MSN: variants seen among roughly 807,000 people sequenced by gnomAD.
MSN encodes moesin.
In MSN, 2 loss-of-function variants were observed where a neutral mutation model predicts 48.0. That is an observed-to-expected ratio of 0.04 (90% CI 0.02 to 0.13). MSN has a LOEUF of 0.13. Among genes scored for constraint, MSN ranks in the 10% least tolerant of loss-of-function variants. The pLI is 1.00. For missense variants in MSN, 267 were observed against 470.1 expected (o/e 0.57, Z 3.99); for synonymous variants, 146 against 166.9 (o/e 0.87, Z 0.97).
At position 65,594,445 on chromosome X, in the gene MSN, G is replaced by T. The variant is rs11796885; in HGVS notation, c.-22+5833G>T. ...GTGGTGGGATGAAGTGGTGGGGGTG[G>T]GACTAGGATGTAATGGAAAGCCTTG... On this transcript the variant is annotated intron_variant, in intron 1 of 3. Coordinates refer to the MSN transcript ENST00000609672. Among the ~76,000 whole-genome samples the T allele has an allele frequency of 9.1e-3, 1,015 of 111,055 alleles. 36 individuals carry two copies. Among genetic ancestry groups the T allele is most frequent in the Admixed American group, 0.073 (766 of 10,425 alleles).
intron 1 of MSN, among the ~76,000 whole-genome samples, chrX:65,609,738 C>T (rs185290706): frequency 0.01 from 1,130 of 111,375 alleles, 14 homozygotes; most frequent in African/African-American, 0.035. Context: ...AAAAAATTAG[C>T]CGGGCGTGGT....
chrX:65,735,693 A>G (rs2071669619), intron 8 of MSN, among the ~76,000 whole-genome samples: 1 of 112,630 alleles, frequency 8.9e-6, no homozygotes, highest in East Asian at 2.8e-4. Context: ...ATATATACAT[A>G]ACTCAAGGTA....
intron 1 of MSN, among the ~76,000 whole-genome samples, chrX:65,694,941 T>C (rs887835464): frequency 8.9e-6 from 1 of 112,067 alleles, no homozygotes; most frequent in Non-Finnish European, 1.9e-5. Context: ...AGAGGAATCC[T>C]TACTTAAGAA....
At chrX:65,698,567 C>G (rs762571516) in intron 1 of MSN, among the ~76,000 whole-genome samples, 10 of 112,310 alleles carry the variant, frequency 8.9e-5, no homozygotes, top group South Asian at 3.7e-4. Context: ...CTTCTCTTCT[C>G]CCTGCCCCCC....
At chrX:65,656,818 T>C (rs2070785099) in intron 1 of MSN, among the ~76,000 whole-genome samples, 2 of 110,554 alleles carry the variant, frequency 1.8e-5, no homozygotes, top group Admixed American at 1.9e-4. Context: ...ACGGTGCTGC[T>C]GCGTGCAGTG....
At chrX:65,613,068 C>G (rs1311437941) in intron 1 of MSN, among the ~76,000 whole-genome samples, 3 of 110,873 alleles carry the variant, frequency 2.7e-5, no homozygotes, top group Non-Finnish European at 5.7e-5. Flanking sequence ...GTGTGATGTT[C>G]CCTGTGTCCA....
At chrX:65,610,162 C>T (rs1187571440) in intron 1 of MSN, among the ~76,000 whole-genome samples, 1 of 111,693 alleles carries the variant, frequency 9.0e-6, no homozygotes, top group Non-Finnish European at 1.9e-5. Flanking sequence ...GCTTTAATTA[C>T]ATTCACAGTG....
At chrX:65,652,222 A>T (rs2070747841) in intron 1 of MSN, among the ~76,000 whole-genome samples, 2 of 110,997 alleles carry the variant, frequency 1.8e-5, no homozygotes, top group Non-Finnish European at 3.8e-5. Flanking sequence ...AGGCTGGTGC[A>T]CTTGCAGTTC....
At chrX:65,668,156 C>T (rs2070893252) in intron 1 of MSN, among the ~76,000 whole-genome samples, 1 of 112,768 alleles carries the variant, frequency 8.9e-6, no homozygotes, top group Non-Finnish European at 1.9e-5. Flanking sequence ...TTCCCCTTTT[C>T]CCTGATGGGC....
At chrX:65,619,103 G>A (rs1358578436) in intron 1 of MSN, among the ~76,000 whole-genome samples, 1 of 100,143 alleles carries the variant, frequency 1.0e-5, no homozygotes, top group Non-Finnish European at 2.0e-5. Flanking sequence ...GCTTCCCTTT[G>A]AGGGTAACCC....
intron 8 of MSN, among the ~76,000 whole-genome samples, chrX:65,735,886 G>A (rs979813192): frequency 8.9e-5 from 10 of 111,984 alleles, no homozygotes; most frequent in Admixed American, 8.5e-4. Flanking sequence ...CATAGAAGAG[G>A]GATGGGGAGA....
In MSN at chrX:65,609,229, G is replaced by A. The variant is rs751844403; in HGVS notation, c.-22+20617G>A. 3.0e-3 allele frequency among the ~76,000 whole-genome samples: 328 copies of A among 107,753 alleles called. 1 individual carries two copies. Among genetic ancestry groups the A allele is most frequent in the African/African-American group, 0.011 (313 of 29,707 alleles). The allele number at this position is 107,753 out of a possible 115,157, so 93.6% of individuals were successfully genotyped here. ...GGCAAAAACCAGGGGAAGAGGCCAA[G>A]AACACTCTATGCACCCAAGGAACTG... On this transcript the variant is annotated intron_variant, in intron 1 of 3. Transcript: ENST00000609672.
intron 1 of MSN, among the ~76,000 whole-genome samples, chrX:65,699,771 G>C (rs1304482135): frequency 1.1e-5 from 1 of 88,961 alleles, no homozygotes; most frequent in African/African-American, 4.3e-5. Flanking sequence ...AAAAAAAAAA[G>C]ACAAATGATA....
At chrX:65,624,315 T>G (rs2070483268) in intron 1 of MSN, among the ~76,000 whole-genome samples, 1 of 110,258 alleles carries the variant, frequency 9.1e-6, no homozygotes, top group South Asian at 3.8e-4. Context: ...CGACCTCAGG[T>G]GATCCACCTG....
intron 1 of MSN, among the ~76,000 whole-genome samples, chrX:65,703,365 A>AGAT (rs2071328371): frequency 9.0e-6 from 1 of 110,961 alleles, no homozygotes; most frequent in African/African-American, 3.3e-5. Flanking sequence ...CCCGTTTTAT[A>AGAT]GATTAGGAAA....
At chrX:65,701,524 C>T (rs1243181006) in intron 1 of MSN, among the ~76,000 whole-genome samples, 1 of 112,047 alleles carries the variant, frequency 8.9e-6, no homozygotes. Flanking sequence ...TGGAAAGAAT[C>T]ACCTGAGGCA....
At chrX:65,606,994 TG>T (rs1437968907) in intron 1 of MSN, among the ~76,000 whole-genome samples, 1 of 112,459 alleles carries the variant, frequency 8.9e-6, no homozygotes, top group African/African-American at 3.2e-5. Context: ...TGATATTTAT[TG>T]GATCTGTGAT....
intron 1 of MSN, 62 bp from the exon 2 acceptor site, chrX:65,716,756 G>A: frequency 9.7e-7 from 1 of 1,033,181 alleles, no homozygotes; most frequent in Non-Finnish European, 1.4e-6. Context: ...AGAGACACTT[G>A]TCTCAGGCTC....
At chrX:65,734,512 G>T (rs192072293) in intron 7 of MSN, among the ~76,000 whole-genome samples, 1 of 112,103 alleles carries the variant, frequency 8.9e-6, no homozygotes, top group African/African-American at 3.2e-5. Flanking sequence ...ATATGAGACA[G>T]TAGCAGTGTG....
Sources: gnomAD v4.1 joint callset for allele counts (sites outside exome capture counted in the v4.1 genomes callset) on GRCh38, gnomAD v4.1.1 for gene constraint, MANE v1.5 for transcripts, NCBI Gene and HGNC (gene_info 2026-07-23, HGNC 2026-07-21) for gene names.